SHROOM2: variants seen among roughly 807,000 people sequenced by gnomAD.
SHROOM2 encodes the protein protein Shroom2.
Under a neutral mutation model 75.9 loss-of-function variants are expected in SHROOM2, and 33 were observed. The observed-to-expected ratio is 0.43, with a 90% CI of 0.33 to 0.58. The LOEUF (loss-of-function observed/expected upper bound fraction) is 0.58. Among genes scored for constraint, SHROOM2 ranks in the 20% least tolerant of loss-of-function variants. SHROOM2 has a pLI of 0.04. For synonymous variants in SHROOM2, 655 were observed against 663.6 expected, an observed-to-expected ratio of 0.99 and a Z score of 0.20; for missense variants, 1,434 against 1,461.2, an observed-to-expected ratio of 0.98 and a Z score of 0.30.
chrX:9,904,738 A>G (rs2084382824), intron 5 of SHROOM2, among the ~76,000 whole-genome samples: 1 of 112,546 alleles, frequency 8.9e-6, no homozygotes. Context: ...ACCTGGAAAC[A>G]TAGATGTCCA....
intron 1 of SHROOM2, among the ~76,000 whole-genome samples, chrX:9,844,802 C>T (rs958230640): frequency 2.7e-5 from 3 of 110,347 alleles, no homozygotes; most frequent in African/African-American, 6.6e-5. Flanking sequence ...GCAACAAGAG[C>T]GAAACTCCAT....
Position 9,793,659 on chromosome X carries a change from A to G in SHROOM2, c.165+6949A>G, listed in dbSNP as rs957381870. Among the ~76,000 whole-genome samples the G allele has an allele frequency of 1.4e-4, 15 of 110,436 alleles. No homozygotes were observed. In the Admixed American group the frequency reaches 1.5e-3, roughly 11 times the overall value. ...ACTCAGGCACAATTCTTGGCCCTTC[A>G]TACCCCTAATGTGATTACATCATAA... is the stretch of plus-strand genomic sequence containing the variant. On this transcript the variant is annotated intron_variant, in intron 1 of 9. Transcript: ENST00000380913.
intron 5 of SHROOM2, among the ~76,000 whole-genome samples, chrX:9,923,266 C>T (rs11095521): frequency 0.073 from 8,052 of 110,493 alleles, 747 homozygotes; most frequent in African/African-American, 0.25. Flanking sequence ...GTTCAAGAAG[C>T]CTTTCTGGCT....
intron 5 of SHROOM2, among the ~76,000 whole-genome samples, chrX:9,926,011 C>A (rs1418039500): frequency 9.0e-6 from 1 of 111,680 alleles, no homozygotes; most frequent in Admixed American, 9.5e-5. Context: ...GTCACAGAGG[C>A]CTGTGTCCAG....
At chrX:9,887,571 G>A (rs2084267768) in intron 2 of SHROOM2, among the ~76,000 whole-genome samples, 1 of 112,583 alleles carries the variant, frequency 8.9e-6, no homozygotes, top group Admixed American at 9.4e-5. Flanking sequence ...TGCATGAAAA[G>A]TGGCCCCAAA....
At chrX:9,802,661 C>T (rs750128287) in intron 1 of SHROOM2, among the ~76,000 whole-genome samples, 33 of 111,664 alleles carry the variant, frequency 3.0e-4, no homozygotes, top group African/African-American at 2.6e-4. Context: ...GCTGGTATCG[C>T]GGGCATATTG....
intron 1 of SHROOM2, among the ~76,000 whole-genome samples, chrX:9,845,642 A>C (rs1171659999): frequency 2.8e-5 from 3 of 108,805 alleles, no homozygotes; most frequent in African/African-American, 1.0e-4. Flanking sequence ...CCTGGCCCTC[A>C]CCTCTGCGCA....
intron 5 of SHROOM2, among the ~76,000 whole-genome samples, chrX:9,907,363 C>G (rs2084397581): frequency 9.0e-6 from 1 of 111,210 alleles, no homozygotes; most frequent in Non-Finnish European, 1.9e-5. Context: ...GTGCCGCTCT[C>G]CACTCTGTGT....
chrX:9,935,846 T>G (rs753290236), intron 6 of SHROOM2, among the ~76,000 whole-genome samples: 102 of 111,650 alleles, frequency 9.1e-4, no homozygotes, highest in African/African-American at 3.0e-3. Flanking sequence ...AATTTGGGGT[T>G]GTGGAGTTTG....
intron 1 of SHROOM2, among the ~76,000 whole-genome samples, chrX:9,797,498 G>A (rs953570968): frequency 6.2e-5 from 7 of 112,743 alleles, no homozygotes; most frequent in South Asian, 3.6e-4. Flanking sequence ...TTTAAGAGGC[G>A]GAATATACGG....
intron 1 of SHROOM2, among the ~76,000 whole-genome samples, chrX:9,816,209 T>C (rs1057198002): frequency 8.9e-6 from 1 of 112,468 alleles, no homozygotes; most frequent in Non-Finnish European, 1.9e-5. Context: ...TTCTCCTTTG[T>C]GATTCTTGTA....
intron 5 of SHROOM2, among the ~76,000 whole-genome samples, chrX:9,930,476 C>T (rs781253439): frequency 8.7e-5 from 9 of 103,741 alleles, no homozygotes; most frequent in South Asian, 9.0e-4. Context: ...TTGTGCACTC[C>T]AGCCTGGACA....
chrX:9,890,336 C>T (rs748153683), intron 2 of SHROOM2, among the ~76,000 whole-genome samples: 7 of 112,792 alleles, frequency 6.2e-5, no homozygotes, highest in African/African-American at 1.6e-4. Context: ...CATTGCACTC[C>T]AGCCTGGGCA....
chrX:9,882,342 T>G (rs1216609577), intron 2 of SHROOM2, among the ~76,000 whole-genome samples: 2 of 111,090 alleles, frequency 1.8e-5, no homozygotes, highest in South Asian at 7.6e-4. Flanking sequence ...GTGCTGAGTT[T>G]CTTTGCCAAC....
rs886128 is a variant in SHROOM2 at position 9,947,125 on chromosome X, C to A, written c.*188C>A. The A allele has an allele frequency of 4.2e-6, 2 of 475,140 alleles. No individual in the cohort carries two copies. Among genetic ancestry groups the A allele is most frequent in the African/African-American group, 4.9e-5 (2 of 40,968 alleles). 39.2% of individuals were successfully genotyped at this position (475,140 alleles called of 1,213,427 possible). A position where few individuals can be genotyped will look rare whatever the true frequency, so the allele number is the denominator to read the frequency against. On this transcript the variant is annotated 3_prime_UTR_variant, in exon 10 of 10. Transcript: ENST00000380913. Reference sequence around the variant, plus strand: ...GATTTATTTAATTTTTTAGTTTCCCCTTTGATTGCTGAGAGCCATTTTCCT... The same window carrying A: ...GATTTATTTAATTTTTTAGTTTCCCATTTGATTGCTGAGAGCCATTTTCCT...
At position 9,932,325 on chromosome X, in the gene SHROOM2, C is replaced by A; in HGVS notation, c.3042C>A (p.Thr1014=). Residue 1014 remains threonine, a synonymous_variant, in exon 6 of 10, where the codon ACC becomes ACA. Transcript: ENST00000380913. ...GGGAGGGCCGGGGCCGAGCGGGAACCCTACCTCGAGATTATAGATACTCGG... is the reference window on the plus strand; with the variant it reads ...GGGAGGGCCGGGGCCGAGCGGGAACACTACCTCGAGATTATAGATACTCGG... ...LPREGRGRAG[T]LPRDYRYSEE... is the part of the protein sequence containing the mutation. 1 of 1,209,541 alleles carries A rather than the reference C, an allele frequency of 8.3e-7. No individual in the cohort carries two copies. The highest frequency in any genetic ancestry group is 1.1e-6 in the Non-Finnish European group (1 of 894,292).
chrX:9,949,414 A>G lies in SHROOM2; in HGVS notation c.*2477A>G, dbSNP rs980011755. 2.2e-4 allele frequency: 73 copies of G among 328,943 alleles called. No homozygotes were observed. Among genetic ancestry groups the G allele is most frequent in the Non-Finnish European group, 3.7e-4 (62 of 169,834 alleles). The allele number at this position is 328,943 out of a possible 1,213,427, so 27.1% of individuals were successfully genotyped here. A position where few individuals can be genotyped will look rare whatever the true frequency, so the allele number is the denominator to read the frequency against. ...TCAACAGATCATCCTGCTTGACTGTAACAAAATAAATAGTGTCTCTTCAAG... is the reference window on the plus strand; with the variant it reads ...TCAACAGATCATCCTGCTTGACTGTGACAAAATAAATAGTGTCTCTTCAAG... On this transcript the variant is annotated 3_prime_UTR_variant, in exon 10 of 10. Transcript: ENST00000380913.
rs2084823843 is a variant in SHROOM2, at chrX:9,946,797, A to G, written c.4711A>G (p.Ser1571Gly). Reference protein sequence around the residue: ...DILANYLSEESLADYEHFVKM... With the variant: ...DILANYLSEEGLADYEHFVKM... ...TTTGGCCAACTATCTGAGCGAGGAGAGCCTCGCGGACTATGAGCACTTCGT... is the reference window on the plus strand; with the variant it reads ...TTTGGCCAACTATCTGAGCGAGGAGGGCCTCGCGGACTATGAGCACTTCGT... The change falls in exon 10 of 10, where the codon AGC becomes GGC. Residue 1571 changes from serine to glycine, a missense_variant. Physicochemically the swap from Ser to Gly is moderately conservative, Grantham distance 56 (BLOSUM62 0). This residue lies in a region of SHROOM2 where 80 missense variants were observed against 88.4 expected (regional missense o/e 0.90). Coordinates refer to ENST00000380913, the MANE Select transcript of SHROOM2 (RefSeq NM_001649.4). 1 of 1,204,015 alleles carries G rather than the reference A, an allele frequency of 8.3e-7. No homozygotes were observed. Among genetic ancestry groups the G allele is most frequent in the African/African-American group, 1.7e-5 (1 of 57,743 alleles).
chrX:9,798,093 C>T (rs1311074815), intron 1 of SHROOM2, among the ~76,000 whole-genome samples: 4 of 110,844 alleles, frequency 3.6e-5, no homozygotes, highest in Non-Finnish European at 7.5e-5. Flanking sequence ...AAACTGGCCT[C>T]GGGAGGAAGG....
Sources: allele counts gnomAD v4.1 joint callset (sites outside exome capture counted in the v4.1 genomes callset), GRCh38; gene constraint gnomAD v4.1.1; regional missense constraint gnomAD v4.1.1; transcripts MANE v1.5; gene names NCBI Gene and HGNC (gene_info 2026-07-23, HGNC 2026-07-21).